MORN1: variants seen among roughly 807,000 people sequenced by gnomAD.
The protein encoded by MORN1 is MORN repeat containing 1.
In MORN1, 67 loss-of-function variants were observed where a neutral mutation model predicts 61.9. The ratio of observed to expected loss-of-function variants is 1.08; its 90% CI spans 0.89 to 1.33. MORN1 has a LOEUF of 1.33. Among genes scored for constraint, MORN1 ranks in the 40% most tolerant of loss-of-function variants. The pLI is 0.00. For synonymous variants in MORN1, 301 were observed against 292.0 expected (o/e 1.03, Z -0.31); for missense variants, 752 against 691.2 (o/e 1.09, Z -0.99).
At chr1:2,389,820 G>T in intron 2 of MORN1, 105 bp downstream of exon 2, 1 of 1,006,800 alleles carries the variant, frequency 9.9e-7, no homozygotes, top group Non-Finnish European at 1.6e-6. Context: ...CAATGGGCTC[G>T]AAAGCTACAG....
Position 2,321,454 on chromosome 1 carries a change from C to T in MORN1, c.1423G>A (p.Glu475Lys), listed in dbSNP as rs1315055340. 5 of 1,540,640 alleles carry T rather than the reference C, an allele frequency of 3.2e-6. No homozygotes were observed. The African/African-American group carries it at 5.5e-5, about 17-fold the overall frequency. Residue 475 changes from glutamate to lysine, a missense_variant, in exon 14 of 14, where the codon GAA becomes AAA. Transcript: ENST00000378531. ...CAGCTGCTTGAGGCTTCAGGGCCTT[C>T]TTCCAGGACATGGGGTGGCTGGCCA... ...RAGQPPHVLE[E>K]GPEASSSWQA...
intron 6 of MORN1, among the ~76,000 whole-genome samples, chr1:2,384,275 C>A (rs1448596374): frequency 6.6e-6 from 1 of 152,168 alleles, no homozygotes; most frequent in Non-Finnish European, 1.5e-5. Flanking sequence ...GCCCGCACAT[C>A]CAACCTGTCA....
intron 10 of MORN1, among the ~76,000 whole-genome samples, chr1:2,348,720 G>GGCACGCATGCACAC (rs1553212655): frequency 4.8e-5 from 6 of 124,146 alleles, no homozygotes; most frequent in African/African-American, 1.9e-4. Context: ...CACCTGCGCG[G>GGCACGCATGCACAC]GCACGCACAC....
intron 12 of MORN1, among the ~76,000 whole-genome samples, chr1:2,327,347 AACAAACAC>A (rs1484164207): frequency 6.6e-6 from 1 of 150,826 alleles, no homozygotes; most frequent in African/African-American, 2.4e-5. Context: ...CACAGACAGA[AACAAACAC>A]AGAAACACAG....
chr1:2,325,353 G>A (rs1641004625), intron 12 of MORN1, among the ~76,000 whole-genome samples: 2 of 147,490 alleles, frequency 1.4e-5, no homozygotes, highest in South Asian at 4.3e-4. Context: ...TGTGACCCAG[G>A]CTAGAGTGCA....
chr1:2,387,082 C>T (rs1490366427), intron 4 of MORN1: 1 of 349,490 alleles, frequency 2.9e-6, no homozygotes, highest in Admixed American at 3.8e-5. Context: ...GACCAGAAGC[C>T]CCTCCCTGCA....
intron 7 of MORN1, among the ~76,000 whole-genome samples, chr1:2,373,271 G>A (rs1248030575): frequency 1.3e-5 from 2 of 152,248 alleles, no homozygotes; most frequent in African/African-American, 4.8e-5. Flanking sequence ...GGCGATGCCG[G>A]GTGCACAGGG....
At chr1:2,331,502 T>G (rs567263162) in intron 12 of MORN1, among the ~76,000 whole-genome samples, 219 of 152,284 alleles carry the variant, frequency 1.4e-3, no homozygotes, top group African/African-American at 5.2e-3. Context: ...GACCCTCCTT[T>G]CTGGCCACCC....
chr1:2,332,810 G>A (rs1416989230), intron 12 of MORN1: 8 of 442,530 alleles, frequency 1.8e-5, no homozygotes, highest in Non-Finnish European at 3.2e-5. Context: ...GTGCGGAGAC[G>A]AGGGGAGAAG....
Position 2,384,864 on chromosome 1 carries a change from A to C in MORN1, c.537+114T>G, listed in dbSNP as rs959871331. ...TTCCCACACGGGATCAGGGAATCGC[A>C]GGGCCTGGCACATGGAGAAGCTGCC... On this transcript the variant is annotated intron_variant, in intron 6 of 13. Transcript: ENST00000378531. The C allele has an allele frequency of 1.4e-5, 12 of 838,128 alleles. No individual in the cohort carries two copies. The Admixed American group carries it at 2.1e-4, about 15-fold the overall frequency. 51.9% of individuals were successfully genotyped at this position (838,128 alleles called of 1,614,324 possible). A position where few individuals can be genotyped will look rare whatever the true frequency, so the allele number is the denominator to read the frequency against.
At chr1:2,384,529 T>G (rs1642443483) in intron 6 of MORN1, among the ~76,000 whole-genome samples, 1 of 152,162 alleles carries the variant, frequency 6.6e-6, no homozygotes, top group Non-Finnish European at 1.5e-5. Context: ...GTAAAGGAAG[T>G]TCCACGGTAA....
intron 10 of MORN1, among the ~76,000 whole-genome samples, chr1:2,342,853 TTTTA>T (rs1272828215): frequency 9.6e-6 from 1 of 104,390 alleles, no homozygotes; most frequent in Non-Finnish European, 2.0e-5. Context: ...TTTTATTTTA[TTTTA>T]TTTTATTTTA....
intron 12 of MORN1, among the ~76,000 whole-genome samples, chr1:2,335,846 CG>C (rs1641262052): frequency 5.3e-5 from 8 of 149,904 alleles, no homozygotes; most frequent in African/African-American, 2.0e-4. Context: ...CCCAGCCCAG[CG>C]CGCAGCTGCC....
chr1:2,351,732 CAG>C, intron 10 of MORN1: 2 of 530,560 alleles, frequency 3.8e-6, no homozygotes, highest in African/African-American at 2.0e-5. Context: ...ATCACAATCA[CAG>C]GGGATCATAT....
intron 10 of MORN1, 146 bp from the exon 11 acceptor site, chr1:2,336,996 G>T (rs950185910): frequency 3.1e-6 from 3 of 983,522 alleles, no homozygotes; most frequent in Non-Finnish European, 4.1e-6. Context: ...GGGCAGGTCA[G>T]GGGGCAGGGA....
chr1:2,335,036 C>T (rs1641236049), intron 12 of MORN1, among the ~76,000 whole-genome samples: 1 of 152,220 alleles, frequency 6.6e-6, no homozygotes, highest in South Asian at 2.1e-4. Flanking sequence ...AGGATCTTGG[C>T]TGTTTTTTAG....
In MORN1 at chr1:2,384,554, C is replaced by T. The variant is rs527654811; in HGVS notation, c.537+424G>A. Among the ~76,000 whole-genome samples, 332 of 152,352 alleles carry T rather than the reference C, an allele frequency of 2.2e-3. 6 individuals are homozygous for T. The South Asian group carries it at 0.024, about 11-fold the overall frequency. On this transcript the variant is annotated intron_variant, in intron 6 of 13. Transcript: ENST00000378531. ...TTCCACGGTAAGGGCATCTCCTCTC[C>T]GTACCAGGAAGAGAAAGGCCCCAGA...
At chr1:2,379,540 T>C (rs963474818) in intron 6 of MORN1, among the ~76,000 whole-genome samples, 1 of 151,792 alleles carries the variant, frequency 6.6e-6, no homozygotes, top group Non-Finnish European at 1.5e-5. Context: ...CCAAACATGG[T>C]GAGGGGCAGG....
At chr1:2,382,910 C>A (rs1426833414) in intron 6 of MORN1, among the ~76,000 whole-genome samples, 1 of 152,172 alleles carries the variant, frequency 6.6e-6, no homozygotes, top group East Asian at 1.9e-4. Flanking sequence ...AAGCAGGATG[C>A]TGTTTCAAGA....
Sources: allele counts gnomAD v4.1 joint callset (sites outside exome capture counted in the v4.1 genomes callset), GRCh38; gene constraint gnomAD v4.1.1; transcripts MANE v1.5; gene names NCBI Gene and HGNC (gene_info 2026-07-23, HGNC 2026-07-21).